RAB30: variants seen among roughly 807,000 people sequenced by gnomAD.
RAB30 encodes the protein ras-related protein Rab-30.
In RAB30, 9 loss-of-function variants were observed where a neutral mutation model predicts 25.1. The ratio of observed to expected loss-of-function variants is 0.36; its 90% CI spans 0.22 to 0.63. RAB30 has a LOEUF of 0.63. Ranked by LOEUF, RAB30 falls within the 20% of genes least tolerant of loss-of-function variation. The pLI is 0.69. For missense variants in RAB30, 140 were observed against 243.5 expected (o/e 0.58, Z 2.83); for synonymous variants, 77 against 86.4 (o/e 0.89, Z 0.60).
At chr11:83,003,453 G>C (rs1715235542) in intron 1 of RAB30, among the ~76,000 whole-genome samples, 1 of 151,638 alleles carries the variant, frequency 6.6e-6, no homozygotes, top group African/African-American at 2.4e-5. Flanking sequence ...ACGGAATTTT[G>C]CTCCTGTTGC....
rs367689393 is a variant in RAB30 at position 83,022,254 on chromosome 11, G to A, written c.-8-24930C>T. Among the ~76,000 whole-genome samples, 13 of 152,284 alleles carry A rather than the reference G, an allele frequency of 8.5e-5. No homozygotes were observed. The East Asian group carries it at 2.1e-3, about 25-fold the overall frequency. On this transcript the variant is annotated intron_variant, in intron 1 of 4. Coordinates refer to ENST00000527633, the MANE Select transcript of RAB30 (RefSeq NM_001286060.2). Reference sequence around the variant, plus strand: ...TGGCCAGTGAAGCCTGGACCTGCCAGGCTCAGGTGATTGTCCCACCTCAGC... The same window carrying A: ...TGGCCAGTGAAGCCTGGACCTGCCAAGCTCAGGTGATTGTCCCACCTCAGC...
intron 1 of RAB30, among the ~76,000 whole-genome samples, chr11:83,000,886 A>C (rs1857064604): frequency 6.6e-6 from 1 of 151,878 alleles, no homozygotes; most frequent in African/African-American, 2.4e-5. Context: ...CTAAAAAAAA[A>C]AATACAAAAA....
chr11:83,026,144 T>A (rs7929514), intron 1 of RAB30, among the ~76,000 whole-genome samples: 2,305 of 152,150 alleles, frequency 0.015, 70 homozygotes, highest in African/African-American at 0.053. Flanking sequence ...TGACCTCTGA[T>A]CATGCCACTG....
At chr11:82,987,541 T>TTATGTGCTTATA (rs1173149783) in intron 4 of RAB30, 46 bp downstream of exon 4, 5 of 1,540,466 alleles carry the variant, frequency 3.2e-6, no homozygotes, top group Non-Finnish European at 2.7e-6. Context: ...TTATAAATCC[T>TTATGTGCTTATA]CTAATGCCCA....
intron 1 of RAB30, among the ~76,000 whole-genome samples, chr11:83,036,770 T>C (rs568760436): frequency 6.6e-6 from 1 of 152,178 alleles, no homozygotes; most frequent in African/African-American, 2.4e-5. Context: ...AAGCCAGGCA[T>C]TTGCAAAGCT....
chr11:83,054,697 C>T (rs538088405), intron 1 of RAB30, among the ~76,000 whole-genome samples: 9 of 137,452 alleles, frequency 6.5e-5, no homozygotes, highest in East Asian at 4.1e-4. Flanking sequence ...CCTGTGTCTA[C>T]GAAAAAAAAA....
intron 1 of RAB30, among the ~76,000 whole-genome samples, chr11:83,003,124 AG>A (rs1188787245): frequency 2.0e-5 from 3 of 152,232 alleles, no homozygotes; most frequent in Non-Finnish European, 4.4e-5. Context: ...ATGAAGTAAG[AG>A]GGCCTGGATC....
At chr11:82,993,033 A>T (rs1856890040) in intron 3 of RAB30, among the ~76,000 whole-genome samples, 1 of 152,134 alleles carries the variant, frequency 6.6e-6, no homozygotes, top group African/African-American at 2.4e-5. Context: ...TTTCCATAAA[A>T]CCCAGCTCTG....
chr11:83,066,242 A>G (rs904528490), intron 1 of RAB30, among the ~76,000 whole-genome samples: 1 of 152,224 alleles, frequency 6.6e-6, no homozygotes, highest in Non-Finnish European at 1.5e-5. Flanking sequence ...AGAAAACCCA[A>G]TGTAGAGAAT....
At chr11:83,011,289 C>T (rs1590850968) in intron 1 of RAB30, among the ~76,000 whole-genome samples, 1 of 152,120 alleles carries the variant, frequency 6.6e-6, no homozygotes, top group Non-Finnish European at 1.5e-5. Context: ...TTGTTTTGAT[C>T]GTTGTTGTAA....
chr11:83,058,587 G>A (rs530221799), intron 1 of RAB30, among the ~76,000 whole-genome samples: 2 of 152,360 alleles, frequency 1.3e-5, no homozygotes, highest in East Asian at 1.9e-4. Context: ...AATGCCACAC[G>A]AGTGATACTG....
At chr11:83,022,112 T>G (rs1240574188) in intron 1 of RAB30, among the ~76,000 whole-genome samples, 2 of 150,530 alleles carry the variant, frequency 1.3e-5, no homozygotes, top group Admixed American at 1.3e-4. Flanking sequence ...CCAGTTGAAC[T>G]GCATTAAACT....
In RAB30 at chr11:83,014,684, AAG is replaced by A. The variant is rs1491087604; in HGVS notation, c.-8-17362_-8-17361del. ...AAAGAAAGAAAGAAAGAAAGAAAGA[AAG>A]AAAGAAAGAGAAAGGAAGGAAGGAA... On this transcript the variant is annotated intron_variant, in intron 1 of 4. Coordinates refer to ENST00000527633, the MANE Select transcript of RAB30 (RefSeq NM_001286060.2). 7.2e-4 allele frequency among the ~76,000 whole-genome samples: 101 copies of A among 141,098 alleles called. 1 individual carries two copies. Among genetic ancestry groups the A allele is most frequent in the African/African-American group, 2.4e-3 (85 of 36,088 alleles). 92.6% of individuals were successfully genotyped at this position (141,098 alleles called of 152,430 possible). A position where few individuals can be genotyped will look rare whatever the true frequency, so the allele number is the denominator to read the frequency against.
chr11:82,999,617 T>G (rs1277393486), intron 1 of RAB30, among the ~76,000 whole-genome samples: 1 of 152,188 alleles, frequency 6.6e-6, no homozygotes, highest in East Asian at 1.9e-4. Flanking sequence ...ATAATCCACA[T>G]TCTAGGCTCA....
chr11:82,982,392 T>C lies in RAB30; in HGVS notation c.385A>G (p.Arg129Gly). 1 of 1,613,908 alleles carries C rather than the reference T, an allele frequency of 6.2e-7. No homozygotes were observed. Among genetic ancestry groups the C allele is most frequent in the Non-Finnish European group, 8.5e-7 (1 of 1,180,010 alleles). Residue 129 changes from arginine to glycine, a missense_variant, in exon 5 of 5, where the codon AGG (arginine) becomes GGG (glycine). By Grantham distance (125) the Arg-to-Gly change is moderately radical. Coordinates refer to ENST00000527633, the MANE Select transcript of RAB30 (RefSeq NM_001286060.2). The stretch of plus-strand genomic sequence containing the variant: ...GCTCGCTGCTGGGAAACCTCTCTCC[T>C]TTCAGCCAGGTCAATCTTGTTGCCT... Reference protein sequence around the residue: ...LVGNKIDLAERREVSQQRAEE... With the variant: ...LVGNKIDLAEGREVSQQRAEE...
intron 2 of RAB30, 61 bp downstream of exon 2, chr11:82,997,163 C>A: frequency 7.2e-7 from 1 of 1,396,652 alleles, no homozygotes; most frequent in African/African-American, 1.4e-5. Context: ...TCCCCCAACC[C>A]CTCAGGCTAG....
chr11:83,028,007 T>C (rs1857765993), intron 1 of RAB30, among the ~76,000 whole-genome samples: 1 of 152,166 alleles, frequency 6.6e-6, no homozygotes, highest in Non-Finnish European at 1.5e-5. Flanking sequence ...AAGGATCACA[T>C]TTTAGAGTGA....
chr11:83,035,274 G>C (rs928725759), intron 1 of RAB30: 1 of 152,070 alleles, frequency 6.6e-6, no homozygotes, highest in Admixed American at 6.6e-5. Flanking sequence ...AAGCACGCAA[G>C]TTGCAGCAAG....
At chr11:83,026,516 C>T (rs529746511) in intron 1 of RAB30, among the ~76,000 whole-genome samples, 25 of 152,290 alleles carry the variant, frequency 1.6e-4, no homozygotes, top group African/African-American at 5.3e-4. Flanking sequence ...TTCTGGCTCC[C>T]GGTCACCTTC....
Sources: gnomAD v4.1 joint callset for allele counts (sites outside exome capture counted in the v4.1 genomes callset) on GRCh38, gnomAD v4.1.1 for gene constraint, MANE v1.5 for transcripts, NCBI Gene and HGNC (gene_info 2026-07-23, HGNC 2026-07-21) for gene names.